B3GALNT1: variants seen among roughly 807,000 people sequenced by gnomAD.
The protein encoded by B3GALNT1 is UDP-GalNAc:beta-1,3-N-acetylgalactosaminyltransferase 1.
In B3GALNT1, 17 loss-of-function variants were observed where a neutral mutation model predicts 27.3. The observed-to-expected ratio is 0.62, with a 90% CI of 0.43 to 0.94. B3GALNT1 has a LOEUF of 0.94. B3GALNT1 is among the 40% of genes least tolerant of loss of function. The probability of loss-of-function intolerance (pLI) is 0.00; values close to 1 mark genes in which losing one functional copy is unlikely to be tolerated. For synonymous variants in B3GALNT1, 141 were observed against 144.0 expected (o/e 0.98, Z 0.15); for missense variants, 347 against 390.0 (o/e 0.89, Z 0.93).
rs1000830378 is a variant in B3GALNT1 at position 161,094,565 on chromosome 3, T to G, written c.-35+6574A>C. On this transcript the variant is annotated intron_variant, in intron 4 of 4. Transcript: ENST00000320474. ...CTATTTCCTGCAAAAAGAAATCAAA[T>G]GTAATTATTTAAAAAGTAATTATTC... is the stretch of plus-strand genomic sequence containing the variant. Among the ~76,000 whole-genome samples the G allele has an allele frequency of 3.3e-5, 5 of 152,140 alleles. No individual in the cohort carries two copies. In the South Asian group the frequency reaches 1.0e-3, roughly 32 times the overall value.
Position 161,084,829 on chromosome 3 carries a change from T to TTC in B3GALNT1, c.*928_*929dup, listed in dbSNP as rs762542287. On this transcript the variant is annotated 3_prime_UTR_variant, in exon 5 of 5. Transcript: ENST00000320474. ...TTTTTATAATATTCTGCCCATGAGG[T>TTC]TCTCTCCCTTCTTTTCTGCCTTCAG... 4.6e-5 allele frequency: 7 copies of TTC among 152,188 alleles called. No homozygotes were observed. Among genetic ancestry groups the TTC allele is most frequent in the Non-Finnish European group, 1.0e-4 (7 of 68,020 alleles). 9.4% of individuals were successfully genotyped at this position (152,188 alleles called of 1,614,324 possible). A position where few individuals can be genotyped will look rare whatever the true frequency, so the allele number is the denominator to read the frequency against.
chr3:161,093,735 A>T (rs960472770), intron 4 of B3GALNT1, among the ~76,000 whole-genome samples: 9 of 152,158 alleles, frequency 5.9e-5, no homozygotes, highest in African/African-American at 2.2e-4. Context: ...ACTGTGGTTC[A>T]CACCTATAAT....
Sources: gnomAD v4.1 joint callset for allele counts (sites outside exome capture counted in the v4.1 genomes callset) on GRCh38, gnomAD v4.1.1 for gene constraint, MANE v1.5 for transcripts, NCBI Gene and HGNC (gene_info 2026-07-23, HGNC 2026-07-21) for gene names.